SLC25A13: variants seen among roughly 807,000 people sequenced by gnomAD.
SLC25A13 encodes the protein solute carrier family 25 member 13, also known as electrogenic aspartate/glutamate antiporter SLC25A13, mitochondrial.
In SLC25A13, 70 loss-of-function variants were observed where a neutral mutation model predicts 85.5. The observed-to-expected ratio is 0.82, with a 90% CI of 0.68 to 1.00. The LOEUF is 1.00. Ranked by LOEUF, SLC25A13 falls within the 50% of genes least tolerant of loss-of-function variation. The pLI, the probability that SLC25A13 is intolerant of heterozygous loss-of-function variation, is 0.00. For synonymous variants in SLC25A13, 259 were observed against 288.7 expected (o/e 0.90, Z 1.04); for missense variants, 765 against 819.8 (o/e 0.93, Z 0.82).
intron 5 of SLC25A13, among the ~76,000 whole-genome samples, chr7:96,205,596 G>C (rs1445436089): frequency 6.6e-6 from 1 of 152,160 alleles, no homozygotes; most frequent in African/African-American, 2.4e-5. Context: ...AGGAGGCTTT[G>C]TATCCCTGCC....
At chr7:96,179,992 A>C (rs1023397215) in intron 11 of SLC25A13, among the ~76,000 whole-genome samples, 1 of 152,196 alleles carries the variant, frequency 6.6e-6, no homozygotes, top group Non-Finnish European at 1.5e-5. Context: ...CTGCCTGCCA[A>C]AACTTCCCTC....
intron 1 of SLC25A13, among the ~76,000 whole-genome samples, chr7:96,304,977 C>G (rs1179756973): frequency 6.6e-6 from 1 of 152,144 alleles, no homozygotes; most frequent in Non-Finnish European, 1.5e-5. Context: ...TCTTTGGAGC[C>G]GGATCACTTA....
Position 96,191,262 on chromosome 7 carries a change from A to G in SLC25A13, c.616-15T>C. 1.2e-6 allele frequency: 2 copies of G among 1,613,570 alleles called. No individual in the cohort carries two copies. Among genetic ancestry groups the G allele is most frequent in the Non-Finnish European group, 1.7e-6 (2 of 1,179,836 alleles). The stretch of plus-strand genomic sequence containing the variant: ...CCTCCAGCAGCCTCAAATAAATTGA[A>G]AACAAGAGAGAAGAAAAATATACAA... On this transcript the variant is annotated splice_polypyrimidine_tract_variant and intron_variant, in intron 6 of 17. Coordinates refer to ENST00000265631, the MANE Select transcript of SLC25A13 (RefSeq NM_014251.3).
intron 3 of SLC25A13, among the ~76,000 whole-genome samples, chr7:96,250,406 T>C (rs1037436145): frequency 2.6e-5 from 4 of 152,226 alleles, no homozygotes; most frequent in African/African-American, 9.6e-5. Context: ...AGCAGCGACA[T>C]GGCTGTCTTT....
intron 14 of SLC25A13, among the ~76,000 whole-genome samples, chr7:96,141,350 T>C (rs1403256757): frequency 6.6e-6 from 1 of 152,188 alleles, no homozygotes; most frequent in South Asian, 2.1e-4. Context: ...ATAGCTGCCC[T>C]GTCCTACCCA....
intron 1 of SLC25A13, among the ~76,000 whole-genome samples, chr7:96,308,483 C>G (rs1037256753): frequency 6.6e-6 from 1 of 152,184 alleles, no homozygotes; most frequent in South Asian, 2.1e-4. Context: ...TGAAGGGTCA[C>G]GAACTCCTGG....
intron 1 of SLC25A13, among the ~76,000 whole-genome samples, chr7:96,306,195 T>C (rs1262973398): frequency 6.6e-6 from 1 of 152,184 alleles, no homozygotes; most frequent in African/African-American, 2.4e-5. Flanking sequence ...TTTCAGCCAT[T>C]ATGTGACACT....
At chr7:96,175,737 G>A (rs1281389104) in intron 11 of SLC25A13, among the ~76,000 whole-genome samples, 1 of 152,214 alleles carries the variant, frequency 6.6e-6, no homozygotes, top group Admixed American at 6.5e-5. Context: ...AAAGTAAAAA[G>A]TTCTAGAGGC....
At chr7:96,297,517 A>G (rs751029837) in intron 1 of SLC25A13, among the ~76,000 whole-genome samples, 50 of 152,014 alleles carry the variant, frequency 3.3e-4, no homozygotes, top group Non-Finnish European at 6.6e-4. Flanking sequence ...TATTTTTAGT[A>G]GAGATAGGGT....
At chr7:96,259,947 CAT>C (rs1040860066) in intron 3 of SLC25A13, among the ~76,000 whole-genome samples, 1 of 149,276 alleles carries the variant, frequency 6.7e-6, no homozygotes, top group African/African-American at 2.5e-5. Flanking sequence ...AGCAAACTAA[CAT>C]AGGAACAGCA....
chr7:96,239,997 C>T (rs1467306992), intron 3 of SLC25A13, among the ~76,000 whole-genome samples: 1 of 152,142 alleles, frequency 6.6e-6, no homozygotes, highest in African/African-American at 2.4e-5. Flanking sequence ...AAATATTAAT[C>T]ATTTATCACA....
At chr7:96,121,507 C>CCTTGGAACATACAA in intron 17 of SLC25A13, 130 bp from the exon 18 acceptor site, 1 of 1,377,344 alleles carries the variant, frequency 7.3e-7, no homozygotes, top group Non-Finnish European at 1.0e-6. Flanking sequence ...TGTATGTTCC[C>CCTTGGAACATACAA]CTTGGAAATG....
intron 13 of SLC25A13, among the ~76,000 whole-genome samples, chr7:96,156,697 C>T (rs1005940051): frequency 2.0e-5 from 3 of 151,804 alleles, no homozygotes; most frequent in African/African-American, 4.8e-5. Context: ...ATGACCTGCC[C>T]GCCTCAGCCT....
intron 3 of SLC25A13, among the ~76,000 whole-genome samples, chr7:96,247,823 C>T (rs891226331): frequency 5.9e-5 from 9 of 151,906 alleles, no homozygotes; most frequent in East Asian, 1.9e-4. Flanking sequence ...AACACATGCA[C>T]CACATAGTTG....
intron 14 of SLC25A13, 135 bp from the exon 15 acceptor site, chr7:96,132,016 C>G: frequency 1.8e-6 from 2 of 1,140,774 alleles, no homozygotes; most frequent in Non-Finnish European, 2.6e-6. Flanking sequence ...GAAAGGGGAA[C>G]AGAAAAAAAT....
intron 9 of SLC25A13, among the ~76,000 whole-genome samples, chr7:96,185,748 A>T (rs1369480503): frequency 6.6e-6 from 1 of 151,458 alleles, no homozygotes; most frequent in Non-Finnish European, 1.5e-5. Context: ...AAAAAGAAAA[A>T]AATTAGCTGG....
At chr7:96,280,274 A>T (rs921219570) in intron 2 of SLC25A13, among the ~76,000 whole-genome samples, 3 of 152,180 alleles carry the variant, frequency 2.0e-5, no homozygotes, top group African/African-American at 7.2e-5. Flanking sequence ...ATATTTTTTT[A>T]AAAGAATGAA....
chr7:96,294,610 G>GA (rs776263797), intron 2 of SLC25A13, among the ~76,000 whole-genome samples: 80,567 of 134,872 alleles, frequency 0.6, 24,041 homozygotes, highest in Non-Finnish European at 0.68. Context: ...CTCTGTCTCA[G>GA]AAAAAAAAAA....
chr7:96,307,137 A>AT (rs1025519478), intron 1 of SLC25A13, among the ~76,000 whole-genome samples: 12 of 86,676 alleles, frequency 1.4e-4, no homozygotes, highest in African/African-American at 4.0e-4. Context: ...TAGCTTTGTA[A>AT]TTTAAAAAAA....
Sources: gnomAD v4.1 joint callset for allele counts (sites outside exome capture counted in the v4.1 genomes callset) on GRCh38, gnomAD v4.1.1 for gene constraint, MANE v1.5 for transcripts, NCBI Gene and HGNC (gene_info 2026-07-23, HGNC 2026-07-21) for gene names.